ARHGAP44: variants seen among roughly 807,000 people sequenced by gnomAD.
ARHGAP44 encodes Rho GTPase activating protein 44.
A neutral mutation model predicts 106.8 loss-of-function variants in ARHGAP44; 43 were observed. The ratio of observed to expected loss-of-function variants is 0.40; its 90% CI spans 0.32 to 0.52. The LOEUF (loss-of-function observed/expected upper bound fraction) is 0.52. Ranked by LOEUF, ARHGAP44 falls within the 20% of genes least tolerant of loss-of-function variation. The pLI is 0.48. For synonymous variants in ARHGAP44, 439 were observed against 410.3 expected (o/e 1.07, Z -0.85); for missense variants, 866 against 1,050.5 (o/e 0.82, Z 2.43).
At chr17:12,896,130 G>T (rs2037196082) in intron 2 of ARHGAP44, among the ~76,000 whole-genome samples, 1 of 120,414 alleles carries the variant, frequency 8.3e-6, no homozygotes, top group African/African-American at 3.1e-5. Flanking sequence ...GGAGGGGGAG[G>T]GATAGCATTA....
At chr17:12,869,277 T>A (rs531486372) in intron 1 of ARHGAP44, among the ~76,000 whole-genome samples, 1 of 152,294 alleles carries the variant, frequency 6.6e-6, no homozygotes, top group South Asian at 2.1e-4. Flanking sequence ...GGAGAGAATC[T>A]AAAACATATA....
chr17:12,901,777 G>T (rs549048520), intron 3 of ARHGAP44, among the ~76,000 whole-genome samples: 3 of 152,184 alleles, frequency 2.0e-5, no homozygotes, highest in African/African-American at 7.2e-5. Context: ...AGCAAAGAGG[G>T]CAGAGCAGTA....
chr17:12,829,896 A>G (rs956193128), intron 1 of ARHGAP44, among the ~76,000 whole-genome samples: 5 of 152,204 alleles, frequency 3.3e-5, no homozygotes, highest in Admixed American at 6.5e-5. Context: ...ATTGTAATAC[A>G]AGGTCATCAG....
At chr17:12,983,304 C>G (rs554723346) in intron 19 of ARHGAP44, among the ~76,000 whole-genome samples, 8 of 149,110 alleles carry the variant, frequency 5.4e-5, no homozygotes, top group African/African-American at 1.7e-4. Context: ...GACCCACACA[C>G]AGCCAGTCCT....
rs2039171466 is a variant in ARHGAP44, at chr17:12,958,026, A to G, written c.1343-691A>G. ...AGAGTTGGGTGGGTGTGGGAAATCA[A>G]GATAAAGAAATAAAGGAGGTAGGAG... On this transcript the variant is annotated intron_variant, in intron 15 of 20. Transcript: ENST00000379672. This position sits in a 1 kb window ranked among gnomAD's most constrained non-coding sequence, Gnocchi z 4.1. Among the ~76,000 whole-genome samples the G allele has an allele frequency of 6.6e-6, 1 of 152,204 alleles. No individual in the cohort carries two copies. The highest frequency in any genetic ancestry group is 2.4e-5 in the African/African-American group (1 of 41,448).
At position 12,974,239 on chromosome 17, in the gene ARHGAP44, C is replaced by G; in HGVS notation, c.1692C>G (p.Pro564=). The G allele has an allele frequency of 1.3e-6, 2 of 1,536,936 alleles. No homozygotes were observed. Among genetic ancestry groups the G allele is most frequent in the Admixed American group, 2.0e-5 (1 of 49,838 alleles). Residue 564 remains proline (P), a synonymous_variant, in exon 18 of 21, where the codon CCC becomes CCG. Coordinates refer to ENST00000379672, the MANE Select transcript of ARHGAP44 (RefSeq NM_014859.6). The stretch of plus-strand genomic sequence containing the variant: ...TGCCTTCGCCGCTGCCGGAGCAGCC[C>G]CTGGACAGCCCCGCGGCCCCCGCGC... ...APLPSPLPEQ[P]LDSPAAPALS... is the part of the protein sequence containing the mutation.
At chr17:12,868,836 T>G (rs1340534379) in intron 1 of ARHGAP44, among the ~76,000 whole-genome samples, 1 of 151,122 alleles carries the variant, frequency 6.6e-6, no homozygotes, top group Non-Finnish European at 1.5e-5. Flanking sequence ...TTTTGTATTT[T>G]TAGTAGAGAC....
At chr17:12,916,147 AC>A in intron 5 of ARHGAP44, 136 bp downstream of exon 5, 1 of 700,732 alleles carries the variant, frequency 1.4e-6, no homozygotes, top group East Asian at 2.7e-5. Flanking sequence ...AGGGATTCTT[AC>A]CTAACCACAT....
intron 2 of ARHGAP44, 68 bp downstream of exon 2, chr17:12,895,047 C>T: frequency 6.7e-7 from 1 of 1,482,546 alleles, no homozygotes; most frequent in Non-Finnish European, 9.2e-7. Flanking sequence ...AGGAGAATTG[C>T]TTGAACCCAG....
At chr17:12,980,457 G>A (rs1402673063) in intron 19 of ARHGAP44, among the ~76,000 whole-genome samples, 1 of 152,216 alleles carries the variant, frequency 6.6e-6, no homozygotes, top group Non-Finnish European at 1.5e-5. Context: ...ATAGAGGCCA[G>A]TGCTTCCCAT....
chr17:12,949,320 G>A lies in ARHGAP44; in HGVS notation c.973+69G>A. 1 of 1,471,060 alleles carries A rather than the reference G, an allele frequency of 6.8e-7. No individual in the cohort carries two copies. Among genetic ancestry groups the A allele is most frequent in the Admixed American group, 2.0e-5 (1 of 50,740 alleles). The allele number at this position is 1,471,060 out of a possible 1,614,324, so 91.1% of individuals were successfully genotyped here. On this transcript the variant is annotated intron_variant, in intron 11 of 20. Transcript: ENST00000379672. The surrounding 1 kb of genome is among the most constrained non-coding windows in gnomAD (Gnocchi z 4.1). ...GGAAGGGGTAGAGGGGAGGCTGTGTGGCTACAAGTCCAGGACACTCAAGTC... is the reference window on the plus strand; with the variant it reads ...GGAAGGGGTAGAGGGGAGGCTGTGTAGCTACAAGTCCAGGACACTCAAGTC...
chr17:12,864,258 G>A (rs1269965279), intron 1 of ARHGAP44, among the ~76,000 whole-genome samples: 1 of 152,162 alleles, frequency 6.6e-6, no homozygotes, highest in Non-Finnish European at 1.5e-5. Context: ...ACAGTGCTAA[G>A]CTTAGTTTTT....
intron 1 of ARHGAP44, among the ~76,000 whole-genome samples, chr17:12,798,463 G>A (rs577737462): frequency 1.3e-4 from 20 of 151,808 alleles, no homozygotes; most frequent in East Asian, 3.9e-4. Flanking sequence ...AATTTATTCC[G>A]TATATATTTA....
intron 3 of ARHGAP44, among the ~76,000 whole-genome samples, chr17:12,896,839 TCTGAC>T (rs1383105258): frequency 6.6e-6 from 1 of 152,216 alleles, no homozygotes; most frequent in African/African-American, 2.4e-5. Flanking sequence ...TTGATCGATA[TCTGAC>T]CCCTGATTCA....
At chr17:12,980,340 T>G in intron 19 of ARHGAP44, 107 bp downstream of exon 19, 21 of 1,213,674 alleles carry the variant, frequency 1.7e-5, no homozygotes, top group Admixed American at 2.8e-5. Flanking sequence ...ACTGTGTGGT[T>G]TAGTGACTAA....
intron 1 of ARHGAP44, among the ~76,000 whole-genome samples, chr17:12,854,124 T>C (rs748067431): frequency 2.0e-5 from 3 of 152,006 alleles, no homozygotes; most frequent in Non-Finnish European, 4.4e-5. Context: ...TGGTGATGAG[T>C]AGCCTTGCAA....
At position 12,990,391 on chromosome 17, in the gene ARHGAP44, T is replaced by C. The variant is rs2040100808; in HGVS notation, c.*220T>C. 1.8e-6 allele frequency: 1 copy of C among 559,562 alleles called. No homozygotes were observed. Among genetic ancestry groups the C allele is most frequent in the Non-Finnish European group, 3.1e-6 (1 of 323,900 alleles). The allele number at this position is 559,562 out of a possible 1,614,324, so 34.7% of individuals were successfully genotyped here. On this transcript the variant is annotated 3_prime_UTR_variant, in exon 21 of 21. Coordinates refer to ENST00000379672, the MANE Select transcript of ARHGAP44 (RefSeq NM_014859.6). ...TCCTTTCGGGTGGTGACTTCGGCCT[T>C]TTGTTTGACCTTTGCCTTTTGACTT...
intron 7 of ARHGAP44, among the ~76,000 whole-genome samples, chr17:12,936,602 C>T (rs2038556993): frequency 1.3e-5 from 2 of 152,224 alleles, no homozygotes; most frequent in African/African-American, 4.8e-5. Context: ...TACTGAAGGA[C>T]ATTTTTGTGG....
In ARHGAP44 at chr17:12,897,124, C is replaced by T. The variant is rs116376420; in HGVS notation, c.198+613C>T. Among the ~76,000 whole-genome samples, 734 of 152,278 alleles carry T rather than the reference C, an allele frequency of 4.8e-3. 8 individuals carry two copies. The highest frequency in any genetic ancestry group is 0.017 in the African/African-American group (711 of 41,556). On this transcript the variant is annotated intron_variant, in intron 3 of 20. Coordinates refer to ENST00000379672, the MANE Select transcript of ARHGAP44 (RefSeq NM_014859.6). ...CTCTGCAGGTTTACCTTCCTCTTGACCCCATCCCTCTCAGCCCCACCAAAG... is the reference window on the plus strand; with the variant it reads ...CTCTGCAGGTTTACCTTCCTCTTGATCCCATCCCTCTCAGCCCCACCAAAG...
Sources: gnomAD v4.1 joint callset for allele counts (sites outside exome capture counted in the v4.1 genomes callset) on GRCh38, gnomAD v4.1.1 for gene constraint, Gnocchi (gnomAD v3.1) non-coding constraint, MANE v1.5 for transcripts, NCBI Gene and HGNC (gene_info 2026-07-23, HGNC 2026-07-21) for gene names.